The following GLI2 variants were observed in gnomAD, a reference collection of about 807,000 sequenced individuals.
GLI2 encodes the protein GLI family zinc finger 2, also known as transcription activator GLI2.
GLI2 carries 22 observed loss-of-function variants against 78.9 expected under a neutral mutation model. That is an observed-to-expected ratio of 0.28 (90% CI 0.20 to 0.40). The LOEUF is 0.40. Among genes scored for constraint, GLI2 ranks in the 10% least tolerant of loss-of-function variants. The probability of loss-of-function intolerance (pLI) is 1.00; values close to 1 mark genes in which losing one functional copy is unlikely to be tolerated. For synonymous variants in GLI2, 974 were observed against 963.7 expected (o/e 1.01, Z -0.20); for missense variants, 2,097 against 2,213.2 (o/e 0.95, Z 1.05).
chr2:120,884,378 AT>A (rs1311169465), intron 2 of GLI2, among the ~76,000 whole-genome samples: 6 of 152,148 alleles, frequency 3.9e-5, no homozygotes, highest in Non-Finnish European at 7.4e-5. Flanking sequence ...TGGGTTTTTC[AT>A]CCCCTGGGTA....
chr2:120,797,451 CGGT>C lies in GLI2; in HGVS notation c.132_134del (p.Val45del). On this transcript the variant is annotated inframe_deletion, in exon 2 of 14. Coordinates refer to ENST00000361492, the MANE Select transcript of GLI2 (RefSeq NM_001374353.1). Reference sequence around the variant, plus strand: ...GTGGTGGCTGCAGCGGCAGCAGCAGCGGTAGCTGCCCAAGGAGGTACTTTCTGT... The same window carrying C: ...GTGGTGGCTGCAGCGGCAGCAGCAGCAGCTGCCCAAGGAGGTACTTTCTGT... 6.2e-7 allele frequency: 1 copy of C among 1,613,886 alleles called. No homozygotes were observed.
chr2:120,795,875 C>G (rs1008590936), intron 1 of GLI2, among the ~76,000 whole-genome samples: 3 of 152,104 alleles, frequency 2.0e-5, no homozygotes, highest in East Asian at 1.9e-4. Flanking sequence ...CATGGAGAAA[C>G]CCTGTCTCTA....
At chr2:120,872,356 T>A (rs914251917) in intron 2 of GLI2, among the ~76,000 whole-genome samples, 2 of 152,152 alleles carry the variant, frequency 1.3e-5, no homozygotes, top group African/African-American at 4.8e-5. Flanking sequence ...TGGGGTCCCC[T>A]GGAATGGTGC....
intron 1 of GLI2, among the ~76,000 whole-genome samples, chr2:120,775,424 G>T (rs1050638329): frequency 7.2e-5 from 11 of 152,230 alleles, no homozygotes. Flanking sequence ...GTTGGTGGTG[G>T]TGTCACGTGT....
intron 1 of GLI2, among the ~76,000 whole-genome samples, chr2:120,783,161 C>T (rs1683896556): frequency 1.3e-5 from 2 of 152,216 alleles, no homozygotes. Flanking sequence ...GGCAGGGGAA[C>T]TGGCTCCCAG....
chr2:120,936,732 A>G (rs1287822620), intron 3 of GLI2, among the ~76,000 whole-genome samples: 2 of 152,188 alleles, frequency 1.3e-5, no homozygotes, highest in Non-Finnish European at 2.9e-5. Flanking sequence ...GAGTCCTCTT[A>G]GACTGCACAT....
At chr2:120,861,415 A>AT (rs1274081967) in intron 2 of GLI2, among the ~76,000 whole-genome samples, 2 of 152,156 alleles carry the variant, frequency 1.3e-5, no homozygotes, top group African/African-American at 4.8e-5. Flanking sequence ...TGCCCCTGTG[A>AT]TTCAGCTCCA....
chr2:120,990,610 G>A lies in GLI2; in HGVS notation c.4645G>A (p.Gly1549Arg), dbSNP rs768317485. Residue 1549 changes from glycine to arginine, a missense_variant, in exon 14 of 14, where the codon GGG becomes AGG. By Grantham distance (125) the Gly-to-Arg change is moderately radical. Coordinates refer to ENST00000361492, the MANE Select transcript of GLI2 (RefSeq NM_001374353.1). ...CGCAGGCATCAGCAACATGGCTGTC[G>A]GGGACATGAGCTCCATGCTCACCAG... ...IPAGISNMAV[G>R]DMSSMLTSLA... is the part of the protein sequence containing the mutation. 1.4e-5 allele frequency: 23 copies of A among 1,613,544 alleles called. No homozygotes were observed. Among genetic ancestry groups the A allele is most frequent in the Admixed American group, 3.3e-5 (2 of 59,990 alleles).
intron 2 of GLI2, among the ~76,000 whole-genome samples, chr2:120,799,560 A>T (rs1164130635): frequency 6.6e-6 from 1 of 152,188 alleles, no homozygotes; most frequent in East Asian, 1.9e-4. Context: ...CAAAGCAGGG[A>T]CATCGTGGGC....
chr2:120,827,779 A>G (rs1438807720), intron 2 of GLI2, among the ~76,000 whole-genome samples: 2 of 152,224 alleles, frequency 1.3e-5, no homozygotes, highest in Admixed American at 6.5e-5. Context: ...AGTCAGTCAC[A>G]AAAGGACATA....
intron 2 of GLI2, among the ~76,000 whole-genome samples, chr2:120,896,638 TAC>T (rs149519455): frequency 0.011 from 1,344 of 118,758 alleles, 12 homozygotes; most frequent in African/African-American, 0.028. Flanking sequence ...AAAACACACA[TAC>T]ACACACACAC....
intron 1 of GLI2, among the ~76,000 whole-genome samples, chr2:120,762,516 G>A (rs1683243916): frequency 6.6e-6 from 1 of 152,172 alleles, no homozygotes; most frequent in Admixed American, 6.5e-5. Flanking sequence ...AGAGTCACAG[G>A]AAGGGGCAGG....
intron 2 of GLI2, among the ~76,000 whole-genome samples, chr2:120,881,802 A>C (rs2104715713): frequency 9.6e-4 from 1 of 1,046 alleles, no homozygotes; most frequent in Admixed American, 8.3e-3. Flanking sequence ...GGGAGAAGAC[A>C]GTGGGGGAGA....
At chr2:120,809,432 A>T (rs1685125804) in intron 2 of GLI2, among the ~76,000 whole-genome samples, 1 of 152,180 alleles carries the variant, frequency 6.6e-6, no homozygotes, top group Non-Finnish European at 1.5e-5. Context: ...TTCTGTAATT[A>T]GATAGTGGTG....
intron 11 of GLI2, 38 bp downstream of exon 11, chr2:120,982,918 G>A: frequency 6.2e-7 from 1 of 1,602,396 alleles, no homozygotes; most frequent in Non-Finnish European, 8.5e-7. Context: ...TGCACACTGG[G>A]GCCCCACTGA....
At chr2:120,827,868 G>C (rs1470800594) in intron 2 of GLI2, among the ~76,000 whole-genome samples, 1 of 152,178 alleles carries the variant, frequency 6.6e-6, no homozygotes, top group Non-Finnish European at 1.5e-5. Flanking sequence ...TGATTGCCAG[G>C]GGCCGGAGGG....
intron 2 of GLI2, among the ~76,000 whole-genome samples, chr2:120,847,347 T>C (rs908242489): frequency 2.0e-5 from 3 of 151,936 alleles, no homozygotes; most frequent in African/African-American, 4.8e-5. Flanking sequence ...AACCAACACA[T>C]TAGTAAAATA....
At chr2:120,824,167 C>T (rs571634906) in intron 2 of GLI2, among the ~76,000 whole-genome samples, 5 of 152,196 alleles carry the variant, frequency 3.3e-5, no homozygotes, top group Non-Finnish European at 5.9e-5. Flanking sequence ...AACCCAGGTT[C>T]GGAGAAGCTA....
chr2:120,974,234 G>A (rs1259037776), intron 8 of GLI2, among the ~76,000 whole-genome samples: 2 of 152,082 alleles, frequency 1.3e-5, no homozygotes, highest in Admixed American at 6.5e-5. Flanking sequence ...CCTACCTGGA[G>A]TATGAGCCTC....
Sources: gnomAD v4.1 joint callset for allele counts (sites outside exome capture counted in the v4.1 genomes callset) on GRCh38, gnomAD v4.1.1 for gene constraint, MANE v1.5 for transcripts, NCBI Gene and HGNC (gene_info 2026-07-23, HGNC 2026-07-21) for gene names.